Variants in PTPRD observed in about 807,000 individuals in gnomAD.
PTPRD encodes the protein receptor-type tyrosine-protein phosphatase delta.
In PTPRD, 34 loss-of-function variants were observed where a neutral mutation model predicts 214.5. The ratio of observed to expected loss-of-function variants is 0.16; its 90% CI spans 0.12 to 0.21. PTPRD has a LOEUF of 0.21. Among genes scored for constraint, PTPRD ranks in the 10% least tolerant of loss-of-function variants. PTPRD has a pLI of 1.00. For missense variants in PTPRD, 2,545 were observed against 2,398.7 expected, an observed-to-expected ratio of 1.06 and a Z score of -1.27; for synonymous variants, 1,128 against 845.7, an observed-to-expected ratio of 1.33 and a Z score of -5.79.
At chr9:9,731,534 T>C (rs2154442255) in intron 7 of PTPRD, among the ~76,000 whole-genome samples, 1 of 152,234 alleles carries the variant, frequency 6.6e-6, no homozygotes, top group Admixed American at 6.5e-5. Flanking sequence ...GATGTATACA[T>C]GTGCCATGTT....
chr9:9,093,838 T>C (rs1246345913), intron 10 of PTPRD, among the ~76,000 whole-genome samples: 2 of 150,276 alleles, frequency 1.3e-5, no homozygotes, highest in East Asian at 3.9e-4. Flanking sequence ...ATAAATAATA[T>C]GAAAAACAGA....
intron 33 of PTPRD, 52 bp from the exon 34 acceptor site, chr9:8,449,889 G>A (rs2133483477): frequency 6.4e-7 from 1 of 1,571,314 alleles, no homozygotes; most frequent in Non-Finnish European, 8.7e-7. Flanking sequence ...AATTGAAACA[G>A]ATAGAAAAGC....
intron 2 of PTPRD, among the ~76,000 whole-genome samples, chr9:10,387,904 G>A (rs7040761): frequency 0.019 from 2,404 of 125,430 alleles, 69 homozygotes; most frequent in African/African-American, 0.068. Context: ...CAAGCACTCT[G>A]CCTGCCTCGG....
At chr9:10,016,568 T>C (rs533806982) in intron 4 of PTPRD, among the ~76,000 whole-genome samples, 1 of 152,162 alleles carries the variant, frequency 6.6e-6, no homozygotes, top group African/African-American at 2.4e-5. Context: ...TAAAGGAAAA[T>C]TGCAATTTTA....
chr9:9,210,187 C>CG (rs1242499876), intron 9 of PTPRD, among the ~76,000 whole-genome samples: 1 of 152,124 alleles, frequency 6.6e-6, no homozygotes, highest in Non-Finnish European at 1.5e-5. Flanking sequence ...AGAGAGCCAG[C>CG]ATCTCTGCTC....
chr9:9,487,819 A>T (rs902959345), intron 8 of PTPRD, among the ~76,000 whole-genome samples: 1 of 152,198 alleles, frequency 6.6e-6, no homozygotes, highest in Non-Finnish European at 1.5e-5. Context: ...TTTGAGGGTC[A>T]AAACTAAGTA....
intron 9 of PTPRD, among the ~76,000 whole-genome samples, chr9:9,224,618 T>G (rs2099958240): frequency 6.6e-6 from 1 of 151,994 alleles, no homozygotes; most frequent in African/African-American, 2.4e-5. Flanking sequence ...TTAATTATGG[T>G]TATATTTTTA....
At chr9:8,523,381 G>T in intron 19 of PTPRD, 132 bp downstream of exon 19, 2 of 1,053,454 alleles carry the variant, frequency 1.9e-6, no homozygotes, top group Non-Finnish European at 2.8e-6. Context: ...CATGGCCAGG[G>T]CATTCTCTGC....
At chr9:9,939,154 G>A (rs753266492) in intron 4 of PTPRD, among the ~76,000 whole-genome samples, 3 of 152,006 alleles carry the variant, frequency 2.0e-5, no homozygotes, top group Non-Finnish European at 4.4e-5. Flanking sequence ...TTTCTCAAAC[G>A]CACCAGAGTG....
At chr9:9,904,726 T>G (rs1251626678) in intron 5 of PTPRD, among the ~76,000 whole-genome samples, 1 of 152,038 alleles carries the variant, frequency 6.6e-6, no homozygotes, top group African/African-American at 2.4e-5. Context: ...AGAATAAAGC[T>G]TAAACATCTT....
chr9:9,561,034 C>T (rs571582431), intron 8 of PTPRD, among the ~76,000 whole-genome samples: 3 of 152,202 alleles, frequency 2.0e-5, no homozygotes, highest in Non-Finnish European at 2.9e-5. Context: ...CATGTTGAGC[C>T]GAGCTGAGCC....
At chr9:8,766,805 T>C (rs1002911303) in intron 11 of PTPRD, among the ~76,000 whole-genome samples, 3 of 152,220 alleles carry the variant, frequency 2.0e-5, no homozygotes, top group Non-Finnish European at 4.4e-5. Context: ...CAATGTTTAA[T>C]ATTAGAAGTG....
At chr9:10,074,054 A>G (rs1452257115) in intron 3 of PTPRD, among the ~76,000 whole-genome samples, 1 of 152,130 alleles carries the variant, frequency 6.6e-6, no homozygotes, top group East Asian at 1.9e-4. Context: ...TCCAGGGTGA[A>G]ACATTACCTT....
intron 10 of PTPRD, among the ~76,000 whole-genome samples, chr9:9,051,357 T>C (rs1423429292): frequency 6.6e-6 from 1 of 152,196 alleles, no homozygotes; most frequent in African/African-American, 2.4e-5. Context: ...CCAACATGCA[T>C]TGCCTGAAAT....
chr9:9,377,305 C>T (rs893130663), intron 9 of PTPRD, among the ~76,000 whole-genome samples: 2 of 152,098 alleles, frequency 1.3e-5, no homozygotes, highest in South Asian at 4.1e-4. Context: ...ACAAAAAATA[C>T]GTCTTGTGCT....
chr9:10,510,128 T>C (rs2047493851), intron 2 of PTPRD, among the ~76,000 whole-genome samples: 1 of 152,130 alleles, frequency 6.6e-6, no homozygotes, highest in Non-Finnish European at 1.5e-5. Flanking sequence ...GTTTGGGAAC[T>C]GTTTCTTTGT....
intron 3 of PTPRD, among the ~76,000 whole-genome samples, chr9:10,157,725 T>A (rs1284745889): frequency 2.0e-5 from 3 of 152,214 alleles, no homozygotes; most frequent in African/African-American, 7.2e-5. Context: ...TCCGAAAATA[T>A]GTTTTCAAGT....
In PTPRD at chr9:8,465,649, G is replaced by A. The variant is rs1372087072; in HGVS notation, c.3531C>T (p.Arg1177=). 5 of 1,611,740 alleles carry A rather than the reference G, an allele frequency of 3.1e-6. No individual in the cohort carries two copies. Among genetic ancestry groups the A allele is most frequent in the Non-Finnish European group, 4.2e-6 (5 of 1,178,664 alleles). The change falls in exon 32 of 46, where the codon CGC becomes CGT. Residue 1177 remains arginine (R), a synonymous_variant. Coordinates refer to ENST00000381196, the MANE Select transcript of PTPRD (RefSeq NM_002839.4). ...CTTCTCTCCCATAACGGATGCTTCTGCGCTTCCTAGATATCTCCTTAAGCA... is the reference window on the plus strand; with the variant it reads ...CTTCTCTCCCATAACGGATGCTTCTACGCTTCCTAGATATCTCCTTAAGCA... ...DELLKEISRK[R]RSIRYGREVE...
chr9:9,933,112 G>A (rs1329021296), intron 5 of PTPRD, among the ~76,000 whole-genome samples: 26 of 152,176 alleles, frequency 1.7e-4, no homozygotes, highest in African/African-American at 4.3e-4. Context: ...GGTACCAGCC[G>A]CTGCAAAATC....
Sources: allele counts gnomAD v4.1 joint callset (sites outside exome capture counted in the v4.1 genomes callset), GRCh38; gene constraint gnomAD v4.1.1; transcripts MANE v1.5; gene names NCBI Gene and HGNC (gene_info 2026-07-23, HGNC 2026-07-21).